The following OGG1 variants were observed in gnomAD, a reference collection of about 807,000 sequenced individuals.
OGG1 encodes 8-oxoguanine DNA glycosylase, also known as N-glycosylase/DNA lyase.
In OGG1, 35 loss-of-function variants were observed where a neutral mutation model predicts 42.3. The ratio of observed to expected loss-of-function variants is 0.83; its 90% CI spans 0.63 to 1.10. The LOEUF is 1.10. Ranked by LOEUF, OGG1 falls within the 50% of genes least tolerant of loss-of-function variation. The pLI, the probability that OGG1 is intolerant of heterozygous loss-of-function variation, is 0.00. For synonymous variants in OGG1, 189 were observed against 179.0 expected (o/e 1.06, Z -0.44); for missense variants, 484 against 446.7 (o/e 1.08, Z -0.75).
chr3:9,777,962 C>A (rs1372423859), intron 2 of OGG1, among the ~76,000 whole-genome samples: 2 of 152,242 alleles, frequency 1.3e-5, no homozygotes, highest in South Asian at 2.1e-4. Flanking sequence ...GGGAGTGGGG[C>A]CCCAGTGAGT....
chr3:9,763,186 C>A, intron 7 of OGG1: 1 of 1,613,940 alleles, frequency 6.2e-7, no homozygotes, highest in Non-Finnish European at 8.5e-7. Flanking sequence ...AGATGTCATC[C>A]AGGGCTACAA....
intron 3 of OGG1, chr3:9,752,154 C>G (rs1322142313): frequency 1.6e-6 from 1 of 606,624 alleles, no homozygotes. Context: ...GTGCTTTTTG[C>G]CCAATGGGTT....
At chr3:9,772,663 G>A (rs1481703448) in intron 2 of OGG1, among the ~76,000 whole-genome samples, 1 of 152,144 alleles carries the variant, frequency 6.6e-6, no homozygotes, top group Non-Finnish European at 1.5e-5. Flanking sequence ...CTGCTTGAGT[G>A]ATAGAGTGAC....
intron 3 of OGG1, chr3:9,786,868 T>C (rs370566450): frequency 3.1e-5 from 22 of 705,450 alleles, no homozygotes; most frequent in African/African-American, 2.5e-4. Flanking sequence ...TTGCTATATA[T>C]TAGTCCAGGT....
In OGG1 at chr3:9,771,810, C is replaced by CTT. The variant is rs5846644; in HGVS notation, c.295-9678_295-9677dup. Among the ~76,000 whole-genome samples, 23 of 66,712 alleles carry CTT rather than the reference C, an allele frequency of 3.4e-4. 1 individual carries two copies. Among genetic ancestry groups the CTT allele is most frequent in the South Asian group, 6.4e-4 (1 of 1,554 alleles). 43.8% of individuals were successfully genotyped at this position (66,712 alleles called of 152,430 possible). ...GTCCTTTCGAGGACTTGTACAACTT[C>CTT]TTTTTTTTTTTTTTTTTTTTTTTTT... On this transcript the variant is annotated intron_variant, in intron 2 of 3. Coordinates refer to the OGG1 transcript ENST00000426518.
rs113469503 is a variant in OGG1 at position 9,786,506 on chromosome 3, G to A, written c.383-1222G>A. 5.3e-4 allele frequency among the ~76,000 whole-genome samples: 81 copies of A among 152,088 alleles called. 1 individual carries two copies. Among genetic ancestry groups the A allele is most frequent in the African/African-American group, 1.9e-3 (78 of 41,464 alleles). Reference sequence around the variant, plus strand: ...GTCAACCAGCAGGTATAAAGACAGGGCCCCTGAAGCTAGGGTTTGAATCCT... The same window carrying A: ...GTCAACCAGCAGGTATAAAGACAGGACCCCTGAAGCTAGGGTTTGAATCCT... On this transcript the variant is annotated intron_variant, in intron 3 of 3. Coordinates refer to the OGG1 transcript ENST00000426518.
chr3:9,770,344 T>G (rs1426482455), downstream of OGG1, among the ~76,000 whole-genome samples: 1 of 151,970 alleles, frequency 6.6e-6, no homozygotes, highest in East Asian at 1.9e-4. Flanking sequence ...CTCCGTGCCC[T>G]GAAGGGAAAC....
chr3:9,785,495 C>G, intron 3 of OGG1: 3 of 1,045,338 alleles, frequency 2.9e-6, no homozygotes, highest in South Asian at 2.9e-5. Context: ...CTGACCTACA[C>G]TGACAGTCTT....
intron 2 of OGG1, among the ~76,000 whole-genome samples, chr3:9,777,586 C>A (rs2078380952): frequency 6.6e-6 from 1 of 152,108 alleles, no homozygotes; most frequent in Non-Finnish European, 1.5e-5. Flanking sequence ...CAGTGCCAGG[C>A]AGATAGTAGG....
downstream of OGG1, among the ~76,000 whole-genome samples, chr3:9,771,391 T>G (rs1266600588): frequency 1.3e-5 from 2 of 152,136 alleles, no homozygotes; most frequent in Non-Finnish European, 2.9e-5. Context: ...GGCTTTGGAG[T>G]CTAACTGATC....
rs2077567962 is a variant in OGG1 at position 9,756,500 on chromosome 3, A to G, written c.777A>G (p.Leu259=). ...KVADCICLMA[L]DKPQAVPVDV... ...CTGACTGCATCTGCCTGATGGCCCTAGACAAGCCCCAGGCTGTGCCCGTGG... is the reference window on the plus strand; with the variant it reads ...CTGACTGCATCTGCCTGATGGCCCTGGACAAGCCCCAGGCTGTGCCCGTGG... Residue 259 remains leucine, a synonymous_variant, in exon 5 of 7, where the codon CTA becomes CTG. Transcript: ENST00000344629. 2.5e-6 allele frequency: 4 copies of G among 1,614,008 alleles called. No homozygotes were observed. Among genetic ancestry groups the G allele is most frequent in the Non-Finnish European group, 3.4e-6 (4 of 1,180,028 alleles).
chr3:9,789,837 G>A, downstream of OGG1: 1 of 1,614,260 alleles, frequency 6.2e-7, no homozygotes, highest in Non-Finnish European at 8.5e-7. Flanking sequence ...CCCGGCCCAT[G>A]TCCTGCCTTC....
At chr3:9,780,598 A>C in intron 2 of OGG1, 1 of 1,547,500 alleles carries the variant, frequency 6.5e-7, no homozygotes, top group Middle Eastern at 2.2e-4. Flanking sequence ...CCTCCAGAGA[A>C]CAACCCCTCC....
intron 7 of OGG1, chr3:9,762,883 C>T: frequency 6.2e-7 from 1 of 1,611,982 alleles, no homozygotes; most frequent in Non-Finnish European, 8.5e-7. Context: ...CCCCTGGGTA[C>T]CCTAGCTCAC....
chr3:9,783,986 T>C (rs778208877), intron 3 of OGG1: 3 of 1,581,694 alleles, frequency 1.9e-6, no homozygotes, highest in Admixed American at 3.4e-5. Context: ...GGCCACAGCC[T>C]CCAAGGCCAC....
At chr3:9,758,008 T>A, downstream of OGG1, 1 of 1,157,376 alleles carries the variant, frequency 8.6e-7, no homozygotes, top group Non-Finnish European at 1.2e-6. Context: ...TACAAGGCTT[T>A]ATTATATATT....
In OGG1 at chr3:9,765,835, C is replaced by T. The variant is rs1254668135; in HGVS notation, c.*4C>T. 6.2e-7 allele frequency: 1 copy of T among 1,614,004 alleles called. No homozygotes were observed. The highest frequency in any genetic ancestry group is 1.7e-5 in the Admixed American group (1 of 60,020). ...GCCTCCTTGGCAATGCATTTGATGG[C>T]CACCAGCTTCTGCGTCCTCTTATCT... On this transcript the variant is annotated 3_prime_UTR_variant, in exon 8 of 8. Coordinates refer to the OGG1 transcript ENST00000302008.
At chr3:9,774,983 C>T (rs1472132797) in intron 2 of OGG1, among the ~76,000 whole-genome samples, 2 of 146,624 alleles carry the variant, frequency 1.4e-5, no homozygotes, top group Admixed American at 6.9e-5. Flanking sequence ...TTTGGCTGGG[C>T]TCATGCCTAT....
At chr3:9,783,975 T>G (rs1347428947) in intron 3 of OGG1, 2 of 1,564,652 alleles carry the variant, frequency 1.3e-6, no homozygotes, top group Non-Finnish European at 8.7e-7. Context: ...TGACTAGCCG[T>G]GGCCACAGCC....
Sources: allele counts gnomAD v4.1 joint callset (sites outside exome capture counted in the v4.1 genomes callset), GRCh38; gene constraint gnomAD v4.1.1; transcripts MANE v1.5; gene names NCBI Gene and HGNC (gene_info 2026-07-23, HGNC 2026-07-21).